The following MTMR10 variants were observed in gnomAD, a reference collection of about 807,000 sequenced individuals.
The protein encoded by MTMR10 is myotubularin-related protein 10.
In MTMR10, 56 loss-of-function variants were observed where a neutral mutation model predicts 88.1. The observed-to-expected ratio is 0.64, with a 90% CI of 0.51 to 0.79. The LOEUF (loss-of-function observed/expected upper bound fraction) is 0.79. MTMR10 is among the 30% of genes least tolerant of loss of function. The pLI is 0.00. For synonymous variants in MTMR10, 380 were observed against 340.9 expected (o/e 1.11, Z -1.26); for missense variants, 883 against 924.7 (o/e 0.95, Z 0.58).
rs1370102645 is a variant in MTMR10, at chr15:30,991,532, C to G, written c.-26G>C. 1.3e-6 allele frequency: 2 copies of G among 1,535,994 alleles called. No homozygotes were observed. Among genetic ancestry groups the G allele is most frequent in the African/African-American group, 1.4e-5 (1 of 69,144 alleles). On this transcript the variant is annotated 5_prime_UTR_variant, in exon 1 of 16. Transcript: ENST00000435680. ...GGTGCCGCCGCCTTTTCGCCCCGTT[C>G]CCGTCGCGGGCCAGTGGCAGCGCCG...
At chr15:30,969,713 T>G (rs1414762242) in intron 5 of MTMR10, among the ~76,000 whole-genome samples, 1 of 152,166 alleles carries the variant, frequency 6.6e-6, no homozygotes, top group Non-Finnish European at 1.5e-5. Flanking sequence ...GCATAACAAA[T>G]TAAATCTCCT....
At chr15:30,988,039 A>C (rs1355163607) in intron 2 of MTMR10, among the ~76,000 whole-genome samples, 2 of 152,160 alleles carry the variant, frequency 1.3e-5, no homozygotes, top group African/African-American at 4.8e-5. Context: ...CCTCTTAGTA[A>C]AAGCTCTAGC....
rs762483367 is a variant in MTMR10 at position 30,941,800 on chromosome 15, G to A, written c.2004C>T (p.Ala668=). 2 of 1,613,994 alleles carry A rather than the reference G, an allele frequency of 1.2e-6. No homozygotes were observed. The highest frequency in any genetic ancestry group is 1.7e-6 in the Non-Finnish European group (2 of 1,179,872). The stretch of plus-strand genomic sequence containing the variant: ...TGATGGAGCCACCCAGGCTGATCTG[G>A]GCCTCGGGAACCCAGCGGAAGTAGC... ...KLCYFRWVPE[A]QISLGGSITA... Residue 668 remains alanine, a synonymous_variant, in exon 16 of 16, where the codon GCC becomes GCT. Coordinates refer to ENST00000435680, the MANE Select transcript of MTMR10 (RefSeq NM_017762.3).
intron 2 of MTMR10, among the ~76,000 whole-genome samples, chr15:30,987,687 T>A (rs894522592): frequency 2.7e-5 from 4 of 149,924 alleles, no homozygotes; most frequent in Non-Finnish European, 4.5e-5. Context: ...ATTCTTTTTT[T>A]TTTTATTTTT....
chr15:30,984,532 G>A (rs2030811192), intron 2 of MTMR10, among the ~76,000 whole-genome samples: 1 of 152,108 alleles, frequency 6.6e-6, no homozygotes. Context: ...TGCCTTTAAG[G>A]AATTAACAAC....
At chr15:30,989,381 A>G in intron 2 of MTMR10, among the ~76,000 whole-genome samples, 1 of 152,192 alleles carries the variant, frequency 6.6e-6, no homozygotes, top group East Asian at 1.9e-4. Context: ...AGTAAAGTTT[A>G]AAAAACACTT....
intron 9 of MTMR10, chr15:30,956,151 G>A (rs2141015220): frequency 6.6e-6 from 1 of 152,258 alleles, no homozygotes; most frequent in East Asian, 1.9e-4. Context: ...TATGTGTATG[G>A]AATTTAATGT....
Position 30,942,911 on chromosome 15 carries a change from C to A in MTMR10, c.1710G>T (p.Val570=). The part of the protein sequence containing the change: ...KSTPCIQNGS[V]KSFKRTKKSY... Reference sequence around the variant, plus strand: ...TTACCTTTGTCCGTTTAAAAGACTTCACGGAGCCATTCTGTATACAAGGTG... The same window carrying A: ...TTACCTTTGTCCGTTTAAAAGACTTAACGGAGCCATTCTGTATACAAGGTG... Residue 570 remains valine (V), a synonymous_variant, in exon 15 of 16, where the codon GTG becomes GTT. Transcript: ENST00000435680. 6.4e-7 allele frequency: 1 copy of A among 1,567,264 alleles called. No individual in the cohort carries two copies. The highest frequency in any genetic ancestry group is 8.7e-7 in the Non-Finnish European group (1 of 1,154,192).
chr15:30,937,793 G>A (rs2062903279), downstream of MTMR10, among the ~76,000 whole-genome samples: 1 of 151,532 alleles, frequency 6.6e-6, no homozygotes. Context: ...AAATTTTGTT[G>A]ACCATTATTG....
intron 12 of MTMR10, among the ~76,000 whole-genome samples, chr15:30,951,696 C>T (rs2063249490): frequency 6.6e-6 from 1 of 152,138 alleles, no homozygotes; most frequent in South Asian, 2.1e-4. Context: ...GACAAGGTTT[C>T]ACCACGTTGG....
the MTMR10 span, among the ~76,000 whole-genome samples, chr15:30,919,296 C>T: frequency 1.4e-5 from 2 of 147,978 alleles, no homozygotes; most frequent in African/African-American, 5.0e-5. Context: ...AGGAGAATCA[C>T]TTGAACCCAG....
intron 6 of MTMR10, among the ~76,000 whole-genome samples, chr15:30,963,195 G>C (rs1371967165): frequency 2.0e-5 from 3 of 152,190 alleles, no homozygotes; most frequent in African/African-American, 7.2e-5. Context: ...AGCCACATGT[G>C]GCTAGTGGCT....
chr15:30,971,197 C>T (rs1477677252), intron 5 of MTMR10, among the ~76,000 whole-genome samples: 1 of 152,062 alleles, frequency 6.6e-6, no homozygotes, highest in Non-Finnish European at 1.5e-5. Context: ...TTTGTCCTGG[C>T]TACCACAGGA....
At chr15:30,981,048 G>A (rs919070883) in intron 2 of MTMR10, among the ~76,000 whole-genome samples, 4 of 152,204 alleles carry the variant, frequency 2.6e-5, no homozygotes, top group African/African-American at 9.7e-5. Context: ...AAACTATCAT[G>A]GACTCAATGT....
intron 6 of MTMR10, among the ~76,000 whole-genome samples, chr15:30,963,414 A>G (rs1429990220): frequency 1.3e-5 from 2 of 152,138 alleles, no homozygotes; most frequent in African/African-American, 2.4e-5. Context: ...GCGGATCACA[A>G]GGTCAGGAGA....
intron 13 of MTMR10, 138 bp downstream of exon 13, chr15:30,948,164 C>A: frequency 1.4e-6 from 1 of 695,818 alleles, no homozygotes; most frequent in Non-Finnish European, 2.2e-6. Context: ...GAACTCTAAT[C>A]CATTAGTTAG....
intron 3 of MTMR10, among the ~76,000 whole-genome samples, chr15:30,976,063 G>C (rs1485196648): frequency 1.4e-5 from 2 of 146,868 alleles, no homozygotes; most frequent in Non-Finnish European, 3.0e-5. Flanking sequence ...ACTCTTCCTA[G>C]AAATTAGAAT....
chr15:30,963,064 T>G (rs1254200056), intron 6 of MTMR10, among the ~76,000 whole-genome samples: 1 of 152,202 alleles, frequency 6.6e-6, no homozygotes, highest in Non-Finnish European at 1.5e-5. Flanking sequence ...GACTCTAGTA[T>G]GTTTCCCAAA....
intron 12 of MTMR10, chr15:30,948,799 A>G (rs1003792717): frequency 1.7e-5 from 6 of 344,504 alleles, no homozygotes; most frequent in Admixed American, 1.4e-4. Flanking sequence ...GGTATTAAGT[A>G]TAAGGTAATC....
Sources: gnomAD v4.1 joint callset for allele counts (sites outside exome capture counted in the v4.1 genomes callset) on GRCh38, gnomAD v4.1.1 for gene constraint, MANE v1.5 for transcripts, NCBI Gene and HGNC (gene_info 2026-07-23, HGNC 2026-07-21) for gene names.